EEA1: variants seen among roughly 807,000 people sequenced by gnomAD.
EEA1 encodes early endosome antigen 1, 162kD.
In EEA1, 111 loss-of-function variants were observed where a neutral mutation model predicts 209.2. The observed-to-expected ratio is 0.53, with a 90% CI of 0.45 to 0.62. The LOEUF (loss-of-function observed/expected upper bound fraction) is 0.62, where lower values mean the gene tolerates loss of function less well. Ranked by LOEUF, EEA1 falls within the 20% of genes least tolerant of loss-of-function variation. The pLI, the probability that EEA1 is intolerant of heterozygous loss-of-function variation, is 0.00. For missense variants in EEA1, 1,343 were observed against 1,530.8 expected (o/e 0.88, Z 2.05); for synonymous variants, 536 against 540.6 (o/e 0.99, Z 0.12).
At chr12:92,858,723 T>C in intron 3 of EEA1, 1 of 740,630 alleles carries the variant, frequency 1.4e-6, no homozygotes, top group South Asian at 1.3e-5. Flanking sequence ...ATGAAGAGGT[T>C]CGTCTTGGTG....
At chr12:92,869,034 T>C (rs1878516701) in intron 2 of EEA1, among the ~76,000 whole-genome samples, 1 of 152,168 alleles carries the variant, frequency 6.6e-6, no homozygotes. Context: ...AAACCCATCA[T>C]TCATTTAAAA....
intron 26 of EEA1, 77 bp from the exon 27 acceptor site, chr12:92,777,740 T>C: frequency 1.4e-6 from 2 of 1,417,896 alleles, no homozygotes; most frequent in Non-Finnish European, 1.9e-6. Flanking sequence ...GATAATGGAC[T>C]ACTTTAGTAA....
chr12:92,826,045 T>C (rs1876280626), intron 13 of EEA1, 121 bp downstream of exon 13: 14 of 1,077,034 alleles, frequency 1.3e-5, no homozygotes, highest in Non-Finnish European at 1.8e-5. Context: ...TTTTGTACTT[T>C]CTAGTTTTAC....
Position 92,771,004 on chromosome 12 carries a change from T to TGG in EEA1, c.*5006_*5007insCC, listed in dbSNP as rs1335836375. Reference sequence around the variant, plus strand: ...ACTTTCTGGTTTTGATTGGTGTGTGTGTGTGTGTGTGTGTGTGTTAGCACA... The same window carrying TGG: ...ACTTTCTGGTTTTGATTGGTGTGTGTGGGTGTGTGTGTGTGTGTGTTAGCACA... On this transcript the variant is annotated 3_prime_UTR_variant, in exon 29 of 29. Transcript: ENST00000322349. The TGG allele has an allele frequency of 6.6e-6, 1 of 151,872 alleles. No homozygotes were observed. The highest frequency in any genetic ancestry group is 2.4e-5 in the African/African-American group (1 of 41,352). The allele number at this position is 151,872 out of a possible 1,614,324, so 9.4% of individuals were successfully genotyped here. A position where few individuals can be genotyped will look rare whatever the true frequency, so the allele number is the denominator to read the frequency against.
chr12:92,926,161 T>C (rs1881206944), intron 1 of EEA1, among the ~76,000 whole-genome samples: 1 of 152,000 alleles, frequency 6.6e-6, no homozygotes, highest in African/African-American at 2.4e-5. Context: ...TCCCGGCTAA[T>C]TTTGTATTTT....
chr12:92,891,781 C>A, intron 1 of EEA1, 60 bp from the exon 2 acceptor site: 3 of 1,214,326 alleles, frequency 2.5e-6, no homozygotes, highest in South Asian at 1.3e-5. Context: ...ATATATTCAT[C>A]GGCCATTTAA....
chr12:92,828,500 C>T (rs867206087), intron 11 of EEA1, among the ~76,000 whole-genome samples: 1 of 151,856 alleles, frequency 6.6e-6, no homozygotes, highest in African/African-American at 2.4e-5. Context: ...TAACTTTTTA[C>T]ATTTGGGTAT....
At chr12:92,868,432 G>A (rs906691279) in intron 2 of EEA1, among the ~76,000 whole-genome samples, 10 of 152,212 alleles carry the variant, frequency 6.6e-5, no homozygotes, top group Non-Finnish European at 8.8e-5. Context: ...AGTGTTCCTC[G>A]GAGAAGCTAC....
At chr12:92,812,253 C>T (rs1283161004) in intron 16 of EEA1, among the ~76,000 whole-genome samples, 3 of 151,854 alleles carry the variant, frequency 2.0e-5, no homozygotes, top group African/African-American at 4.8e-5. Flanking sequence ...TGCTTGAACC[C>T]GGCAGGTGGA....
chr12:92,860,821 T>C (rs2136718944), intron 3 of EEA1, among the ~76,000 whole-genome samples: 1 of 151,942 alleles, frequency 6.6e-6, no homozygotes, highest in African/African-American at 2.4e-5. Flanking sequence ...GTTCATTATA[T>C]ATGTCTGGTT....
intron 15 of EEA1, among the ~76,000 whole-genome samples, chr12:92,815,306 A>G (rs1237991815): frequency 6.6e-6 from 1 of 152,200 alleles, no homozygotes; most frequent in African/African-American, 2.4e-5. Flanking sequence ...TACAATGCAG[A>G]AAGAATCACA....
intron 2 of EEA1, among the ~76,000 whole-genome samples, chr12:92,885,311 G>C (rs1177695183): frequency 3.3e-5 from 5 of 152,014 alleles, no homozygotes; most frequent in Non-Finnish European, 7.4e-5. Flanking sequence ...TTAATGTCCT[G>C]GAGACCATGA....
At chr12:92,863,928 T>C (rs1193223476) in intron 3 of EEA1, among the ~76,000 whole-genome samples, 3 of 152,236 alleles carry the variant, frequency 2.0e-5, no homozygotes, top group African/African-American at 7.2e-5. Context: ...TGATATTAAA[T>C]ATAAGAACAT....
At chr12:92,855,910 C>A (rs1051124983) in intron 5 of EEA1, among the ~76,000 whole-genome samples, 5 of 152,150 alleles carry the variant, frequency 3.3e-5, no homozygotes, top group Admixed American at 6.5e-5. Context: ...TTATTAATGG[C>A]ATCTATATAA....
At chr12:92,888,385 CCTGG>C (rs1879502366) in intron 2 of EEA1, among the ~76,000 whole-genome samples, 1 of 152,026 alleles carries the variant, frequency 6.6e-6, no homozygotes, top group Non-Finnish European at 1.5e-5. Flanking sequence ...TCAAGACCAT[CCTGG>C]CTAACATGAA....
At chr12:92,852,829 A>C (rs1877689683) in intron 7 of EEA1, 83 bp downstream of exon 7, 3 of 910,176 alleles carry the variant, frequency 3.3e-6, no homozygotes, top group Non-Finnish European at 3.5e-6. Flanking sequence ...ACACACTAAA[A>C]TACTATATTT....
At chr12:92,889,138 ACT>A (rs1417895166) in intron 2 of EEA1, among the ~76,000 whole-genome samples, 2 of 150,988 alleles carry the variant, frequency 1.3e-5, no homozygotes, top group African/African-American at 2.4e-5. Flanking sequence ...ACAAAGCAAG[ACT>A]CTGTCTCAAA....
At chr12:92,843,315 C>T (rs187994186) in intron 9 of EEA1, among the ~76,000 whole-genome samples, 1 of 152,178 alleles carries the variant, frequency 6.6e-6, no homozygotes, top group Admixed American at 6.5e-5. Flanking sequence ...TGTGCCATCA[C>T]GCCCAGCTAA....
chr12:92,847,207 G>A (rs1239533655), intron 9 of EEA1, among the ~76,000 whole-genome samples: 4 of 151,954 alleles, frequency 2.6e-5, no homozygotes, highest in Non-Finnish European at 5.9e-5. Context: ...CCACCGCCTG[G>A]GCCTCCCAAC....
Sources: allele counts gnomAD v4.1 joint callset (sites outside exome capture counted in the v4.1 genomes callset), GRCh38; gene constraint gnomAD v4.1.1; transcripts MANE v1.5; gene names NCBI Gene and HGNC (gene_info 2026-07-23, HGNC 2026-07-21).